WWP2: variants seen among roughly 807,000 people sequenced by gnomAD.
The protein encoded by WWP2 is WW domain containing E3 ubiquitin protein ligase 2.
In WWP2, 57 loss-of-function variants were observed where a neutral mutation model predicts 121.0. That is an observed-to-expected ratio of 0.47 (90% CI 0.38 to 0.59). WWP2 has a LOEUF of 0.59. WWP2 is among the 20% of genes least tolerant of loss of function. WWP2 has a pLI of 0.00. For synonymous variants in WWP2, 449 were observed against 441.3 expected, an observed-to-expected ratio of 1.02 and a Z score of -0.22; for missense variants, 962 against 1,158.9, an observed-to-expected ratio of 0.83 and a Z score of 2.47.
At position 69,908,992 on chromosome 16, in the gene WWP2, A is replaced by C. The variant is rs1279698958; in HGVS notation, c.1004+142A>C. 6.8e-6 allele frequency: 10 copies of C among 1,464,444 alleles called. No individual in the cohort carries two copies. The Admixed American group carries it at 2.6e-4, about 38-fold the overall frequency. 90.7% of individuals were successfully genotyped at this position (1,464,444 alleles called of 1,614,324 possible). On this transcript the variant is annotated intron_variant, in intron 9 of 23. Coordinates refer to ENST00000359154, the MANE Select transcript of WWP2 (RefSeq NM_001270454.2). ...GGTCACTTGATTGCTTTTCCTATCC[A>C]CTTACCTTAATATTGCTCCCATGTC...
intron 9 of WWP2, among the ~76,000 whole-genome samples, chr16:69,916,674 G>C (rs1045222610): frequency 1.3e-5 from 2 of 152,124 alleles, no homozygotes; most frequent in Admixed American, 1.3e-4. Flanking sequence ...CCTGGGAGGA[G>C]AATTGACATG....
chr16:69,857,999 T>C (rs1377944197), intron 6 of WWP2, among the ~76,000 whole-genome samples: 2 of 152,078 alleles, frequency 1.3e-5, no homozygotes, highest in African/African-American at 4.8e-5. Flanking sequence ...TTTAATGAAA[T>C]TAGTGAAAAC....
intron 4 of WWP2, among the ~76,000 whole-genome samples, chr16:69,810,346 C>T (rs2056366641): frequency 6.6e-6 from 1 of 152,144 alleles, no homozygotes; most frequent in East Asian, 1.9e-4. Flanking sequence ...CCCAAAAGTG[C>T]TGGTTTGCCT....
At chr16:69,788,567 G>A (rs1212274054) in intron 2 of WWP2, among the ~76,000 whole-genome samples, 1 of 152,072 alleles carries the variant, frequency 6.6e-6, no homozygotes, top group Non-Finnish European at 1.5e-5. Context: ...AATGCTTTTC[G>A]CTTCATTATT....
chr16:69,802,603 T>A (rs2151818598), intron 4 of WWP2, among the ~76,000 whole-genome samples: 1 of 63,278 alleles, frequency 1.6e-5, no homozygotes, highest in Middle Eastern at 0.011. Context: ...TCTTTCCTTT[T>A]GTTTTTTTTT....
At chr16:69,904,377 CT>C (rs538245676) in intron 8 of WWP2, among the ~76,000 whole-genome samples, 346 of 137,242 alleles carry the variant, frequency 2.5e-3, no homozygotes, top group Admixed American at 2.4e-3. Context: ...TGCGCATTTT[CT>C]TTTTTTTTTT....
Position 69,937,311 on chromosome 16 carries a change from T to C in WWP2, c.2238+73T>C. On this transcript the variant is annotated intron_variant, in intron 20 of 23. Coordinates refer to ENST00000359154, the MANE Select transcript of WWP2 (RefSeq NM_001270454.2). The surrounding 1 kb of genome is among the most constrained non-coding windows in gnomAD (Gnocchi z 6.6). ...ATCCTGCTCTGTGATACGCTCACTG[T>C]GTACCCACAGACACTCAGCGTAAAA... The C allele has an allele frequency of 6.3e-7, 1 of 1,582,234 alleles. No individual in the cohort carries two copies. Among genetic ancestry groups the C allele is most frequent in the Admixed American group, 1.7e-5 (1 of 58,168 alleles).
intron 6 of WWP2, among the ~76,000 whole-genome samples, chr16:69,868,482 G>A (rs2057568235): frequency 6.6e-6 from 1 of 152,138 alleles, no homozygotes; most frequent in South Asian, 2.1e-4. Context: ...TGTCTGAGGG[G>A]TTGACAGTGC....
intron 9 of WWP2, 92 bp downstream of exon 9, chr16:69,908,942 G>GC: frequency 6.3e-7 from 1 of 1,589,948 alleles, no homozygotes; most frequent in East Asian, 2.2e-5. Context: ...TGCGGAGGTA[G>GC]CATAGCACAG....
At chr16:69,906,927 C>T (rs1249209362) in intron 8 of WWP2, among the ~76,000 whole-genome samples, 1 of 152,034 alleles carries the variant, frequency 6.6e-6, no homozygotes, top group East Asian at 1.9e-4. Context: ...AACCACAGGG[C>T]TTGTGGGGAA....
At chr16:69,858,546 G>A (rs545645158) in intron 6 of WWP2, among the ~76,000 whole-genome samples, 1 of 152,026 alleles carries the variant, frequency 6.6e-6, no homozygotes, top group African/African-American at 2.4e-5. Context: ...TGCTTGCAAG[G>A]TGAACCACCA....
chr16:69,864,794 T>C (rs1434807223), intron 6 of WWP2, among the ~76,000 whole-genome samples: 1 of 151,736 alleles, frequency 6.6e-6, no homozygotes, highest in Non-Finnish European at 1.5e-5. Context: ...CGATTTTTAA[T>C]AGAGAAGGGG....
At chr16:69,832,951 C>T (rs1187880540) in intron 4 of WWP2, among the ~76,000 whole-genome samples, 1 of 152,178 alleles carries the variant, frequency 6.6e-6, no homozygotes, top group Admixed American at 6.5e-5. Context: ...ACCTTCTGGG[C>T]TCAAGTGATT....
intron 6 of WWP2, among the ~76,000 whole-genome samples, chr16:69,868,959 C>T (rs2057580421): frequency 6.6e-6 from 1 of 152,194 alleles, no homozygotes; most frequent in Admixed American, 6.5e-5. Context: ...ACAATCTCGG[C>T]TCACTGCGAC....
intron 4 of WWP2, among the ~76,000 whole-genome samples, chr16:69,800,566 T>C (rs2056141476): frequency 8.2e-6 from 1 of 121,270 alleles, no homozygotes; most frequent in African/African-American, 3.7e-5. Flanking sequence ...TTATTGTTTT[T>C]TCTTTTTTTT....
chr16:69,865,851 C>CAT (rs2057511173), intron 6 of WWP2, among the ~76,000 whole-genome samples: 1 of 152,182 alleles, frequency 6.6e-6, no homozygotes, highest in African/African-American at 2.4e-5. Context: ...AGAACCACAC[C>CAT]ATAGTCAGTG....
intron 2 of WWP2, among the ~76,000 whole-genome samples, chr16:69,795,110 C>CTGG (rs1282442594): frequency 6.6e-6 from 1 of 152,160 alleles, no homozygotes; most frequent in Non-Finnish European, 1.5e-5. Flanking sequence ...GTGTTGCGCA[C>CTGG]TGGTAGTCCC....
intron 8 of WWP2, among the ~76,000 whole-genome samples, chr16:69,900,688 A>G (rs1234205046): frequency 1.3e-5 from 2 of 151,770 alleles, no homozygotes; most frequent in Admixed American, 6.6e-5. Flanking sequence ...ATGTCTGCCT[A>G]ATTTTTTGTA....
intron 1 of WWP2, among the ~76,000 whole-genome samples, chr16:69,763,117 C>A (rs901285182): frequency 2.4e-4 from 37 of 152,284 alleles, no homozygotes; most frequent in African/African-American, 7.7e-4. Flanking sequence ...TGTAAAATGG[C>A]TTTTAGCTTA....
Sources: allele counts gnomAD v4.1 joint callset (sites outside exome capture counted in the v4.1 genomes callset), GRCh38; gene constraint gnomAD v4.1.1; non-coding constraint Gnocchi (gnomAD v3.1); transcripts MANE v1.5; gene names NCBI Gene and HGNC (gene_info 2026-07-23, HGNC 2026-07-21).